ATRNL1: variants seen among roughly 807,000 people sequenced by gnomAD.
ATRNL1 encodes the protein attractin like 1.
ATRNL1 carries 95 observed loss-of-function variants against 182.7 expected under a neutral mutation model. The observed-to-expected ratio is 0.52, with a 90% CI of 0.44 to 0.62. The LOEUF is 0.62. Ranked by LOEUF, ATRNL1 falls within the 20% of genes least tolerant of loss-of-function variation. The pLI is 0.00. For missense variants in ATRNL1, 1,471 were observed against 1,679.5 expected (o/e 0.88, Z 2.17); for synonymous variants, 576 against 568.3 (o/e 1.01, Z -0.19).
At chr10:115,730,758 T>C (rs143523193) in intron 27 of ATRNL1, among the ~76,000 whole-genome samples, 153 of 152,210 alleles carry the variant, frequency 1.0e-3, no homozygotes, top group African/African-American at 3.5e-3. Context: ...CAGGGTTCTA[T>C]AGAGGGACAG....
intron 20 of ATRNL1, among the ~76,000 whole-genome samples, chr10:115,417,513 A>C (rs1202456608): frequency 6.6e-6 from 1 of 152,168 alleles, no homozygotes; most frequent in East Asian, 1.9e-4. Context: ...TCAGGTAACT[A>C]TCATATCTGT....
intron 25 of ATRNL1, among the ~76,000 whole-genome samples, chr10:115,539,649 C>T (rs538369611): frequency 1.3e-5 from 2 of 152,292 alleles, no homozygotes; most frequent in African/African-American, 4.8e-5. Flanking sequence ...AGACCTCCCT[C>T]CCATTTTTTC....
At chr10:115,445,693 A>G (rs1312949975) in intron 21 of ATRNL1, among the ~76,000 whole-genome samples, 2 of 152,102 alleles carry the variant, frequency 1.3e-5, no homozygotes, top group Non-Finnish European at 2.9e-5. Context: ...ACAGTTGTGC[A>G]ACGATCTGCA....
chr10:115,544,632 T>C (rs148629156), intron 25 of ATRNL1, among the ~76,000 whole-genome samples: 2 of 152,282 alleles, frequency 1.3e-5, no homozygotes, highest in East Asian at 3.9e-4. Flanking sequence ...TGAAGGATCT[T>C]TTCCCCTGAC....
chr10:115,830,449 A>G (rs184604441), intron 27 of ATRNL1, among the ~76,000 whole-genome samples: 24 of 152,246 alleles, frequency 1.6e-4, no homozygotes, highest in Admixed American at 3.9e-4. Context: ...ATAAACATTT[A>G]TTGAATGACT....
At chr10:115,484,784 T>C (rs1848939626) in intron 24 of ATRNL1, among the ~76,000 whole-genome samples, 1 of 151,994 alleles carries the variant, frequency 6.6e-6, no homozygotes, top group African/African-American at 2.4e-5. Context: ...TTTCCGTTTT[T>C]AGACTATTCA....
At chr10:115,304,187 CA>C (rs1554925500) in intron 17 of ATRNL1, among the ~76,000 whole-genome samples, 3 of 152,276 alleles carry the variant, frequency 2.0e-5, no homozygotes, top group Admixed American at 2.0e-4. Context: ...TAAGTATCTT[CA>C]GGACTTTCTT....
At chr10:115,284,969 C>G (rs1172303381) in intron 14 of ATRNL1, among the ~76,000 whole-genome samples, 1 of 152,100 alleles carries the variant, frequency 6.6e-6, no homozygotes, top group African/African-American at 2.4e-5. Context: ...ATTGCTCTAT[C>G]TGCACTATCC....
intron 20 of ATRNL1, among the ~76,000 whole-genome samples, chr10:115,421,575 C>T (rs1845653082): frequency 6.6e-6 from 1 of 152,150 alleles, no homozygotes; most frequent in Admixed American, 6.5e-5. Context: ...GCATCCACAG[C>T]TAACATCATA....
chr10:115,860,142 G>A lies in ATRNL1; in HGVS notation c.4018+12151G>A, dbSNP rs116975330. On this transcript the variant is annotated intron_variant, in intron 28 of 28. Coordinates refer to ENST00000355044, the MANE Select transcript of ATRNL1 (RefSeq NM_207303.4). ...AACTGGTCCACAGGACTTCAGGGAG[G>A]TGGTTTGAGGAATCCTACATGGTCC... Among the ~76,000 whole-genome samples, 1,005 of 152,292 alleles carry A rather than the reference G, an allele frequency of 6.6e-3. 5 individuals are homozygous for A. The highest frequency in any genetic ancestry group is 9.3e-3 in the Non-Finnish European group (636 of 68,030).
At chr10:115,554,783 C>A (rs1853214829) in intron 26 of ATRNL1, among the ~76,000 whole-genome samples, 1 of 151,294 alleles carries the variant, frequency 6.6e-6, no homozygotes, top group African/African-American at 2.4e-5. Context: ...GGATTAATTT[C>A]AAAAAAACCC....
chr10:115,449,808 C>T (rs1199473398), intron 21 of ATRNL1, among the ~76,000 whole-genome samples: 1 of 152,142 alleles, frequency 6.6e-6, no homozygotes, highest in Non-Finnish European at 1.5e-5. Context: ...ATGCCAGCAT[C>T]ATCCTCATAC....
At chr10:115,625,065 A>G (rs1555024254) in intron 26 of ATRNL1, among the ~76,000 whole-genome samples, 2 of 152,166 alleles carry the variant, frequency 1.3e-5, no homozygotes, top group African/African-American at 2.4e-5. Flanking sequence ...AGCAGTGTAG[A>G]CTGGCAGAAA....
At chr10:115,162,787 T>C (rs1554883570) in intron 6 of ATRNL1, among the ~76,000 whole-genome samples, 1 of 151,096 alleles carries the variant, frequency 6.6e-6, no homozygotes, top group Non-Finnish European at 1.5e-5. Flanking sequence ...TGAAAAAGAA[T>C]GACTGGTGAG....
intron 17 of ATRNL1, among the ~76,000 whole-genome samples, chr10:115,314,731 T>A (rs1272437672): frequency 5.3e-5 from 8 of 152,224 alleles, no homozygotes; most frequent in African/African-American, 1.9e-4. Flanking sequence ...TTGACTATAA[T>A]GTCTGCTTAT....
At chr10:115,268,076 T>C (rs1193543229) in intron 12 of ATRNL1, among the ~76,000 whole-genome samples, 1 of 152,058 alleles carries the variant, frequency 6.6e-6, no homozygotes, top group African/African-American at 2.4e-5. Flanking sequence ...TGTGTGAATT[T>C]AAAATGTCTG....
Position 115,537,929 on chromosome 10 carries a change from C to G in ATRNL1, c.3717-11529C>G, listed in dbSNP as rs1852133478. 2.0e-5 allele frequency among the ~76,000 whole-genome samples: 3 copies of G among 152,148 alleles called. 1 individual carries two copies. The highest frequency in any genetic ancestry group is 2.0e-4 in the Admixed American group (3 of 15,268). ...ACGCTGGCAACCATTGACCTGATCT[C>G]TGTTCTTGCAGTTTTGCCTTTTCCA... On this transcript the variant is annotated intron_variant, in intron 25 of 28. Transcript: ENST00000355044.
intron 27 of ATRNL1, among the ~76,000 whole-genome samples, chr10:115,771,755 A>AC (rs1555076454): frequency 1.3e-5 from 2 of 152,188 alleles, no homozygotes; most frequent in African/African-American, 4.8e-5. Flanking sequence ...AGATGTAGTA[A>AC]ATCAGTTTAG....
intron 28 of ATRNL1, among the ~76,000 whole-genome samples, chr10:115,866,948 A>G (rs770556829): frequency 2.6e-5 from 4 of 152,206 alleles, no homozygotes; most frequent in Non-Finnish European, 5.9e-5. Context: ...AGAAGGGAAC[A>G]GATGTCAGTT....
Sources: gnomAD v4.1 joint callset for allele counts (sites outside exome capture counted in the v4.1 genomes callset) on GRCh38, gnomAD v4.1.1 for gene constraint, MANE v1.5 for transcripts, NCBI Gene and HGNC (gene_info 2026-07-23, HGNC 2026-07-21) for gene names.